The following CCDC88C variants were observed in gnomAD, a reference collection of about 807,000 sequenced individuals.
CCDC88C encodes protein Daple.
CCDC88C carries 131 observed loss-of-function variants against 198.8 expected under a neutral mutation model. The ratio of observed to expected loss-of-function variants is 0.66; its 90% CI spans 0.57 to 0.76. The LOEUF is 0.76. Among genes scored for constraint, CCDC88C ranks in the 30% least tolerant of loss-of-function variants. CCDC88C has a pLI of 0.00. For missense variants in CCDC88C, 2,553 were observed against 2,631.6 expected, an observed-to-expected ratio of 0.97 and a Z score of 0.65; for synonymous variants, 1,166 against 1,114.7, an observed-to-expected ratio of 1.05 and a Z score of -0.92.
chr14:91,362,102 C>T (rs1171618367), intron 3 of CCDC88C, among the ~76,000 whole-genome samples: 11 of 152,162 alleles, frequency 7.2e-5, no homozygotes, highest in Admixed American at 2.0e-4. Context: ...GGCCTGGTGA[C>T]GCATGCCTGT....
intron 3 of CCDC88C, among the ~76,000 whole-genome samples, chr14:91,398,751 G>C (rs573305294): frequency 6.6e-6 from 1 of 152,228 alleles, no homozygotes; most frequent in Non-Finnish European, 1.5e-5. Context: ...TGGGAGTGCA[G>C]GCCTTTTGTT....
chr14:91,325,268 A>G lies in CCDC88C; in HGVS notation c.1198-345T>C, dbSNP rs1033552195. ...TCTAGCGAAGCCCTAACAGGCCTCT[A>G]AAGCTGTTAACAGGCTAACAAATCA... On this transcript the variant is annotated intron_variant, in intron 11 of 29. Coordinates refer to ENST00000389857, the MANE Select transcript of CCDC88C (RefSeq NM_001080414.4). This position sits in a 1 kb window ranked among gnomAD's most constrained non-coding sequence, Gnocchi z 4.1. Among the ~76,000 whole-genome samples, 1 of 152,198 alleles carries G rather than the reference A, an allele frequency of 6.6e-6. No individual in the cohort carries two copies. Among genetic ancestry groups the G allele is most frequent in the African/African-American group, 2.4e-5 (1 of 41,442 alleles).
intron 26 of CCDC88C, among the ~76,000 whole-genome samples, 158 bp from the exon 27 acceptor site, chr14:91,281,683 C>A (rs1290892686): frequency 2.0e-5 from 3 of 152,126 alleles, no homozygotes; most frequent in Non-Finnish European, 4.4e-5. Context: ...CCTCTCCTAC[C>A]CCTCCACCGT....
chr14:91,353,124 A>G (rs561127535), intron 4 of CCDC88C, among the ~76,000 whole-genome samples: 4 of 152,298 alleles, frequency 2.6e-5, no homozygotes, highest in African/African-American at 9.6e-5. Flanking sequence ...GAGTTTCAGG[A>G]GGTCTGTTTC....
At chr14:91,402,671 G>A (rs1886275177) in intron 3 of CCDC88C, among the ~76,000 whole-genome samples, 1 of 152,188 alleles carries the variant, frequency 6.6e-6, no homozygotes, top group Non-Finnish European at 1.5e-5. Flanking sequence ...TGGCTGCTGG[G>A]AACGTCTATC....
intron 23 of CCDC88C, among the ~76,000 whole-genome samples, chr14:91,291,383 G>A (rs1184649196): frequency 2.6e-5 from 4 of 152,204 alleles, no homozygotes; most frequent in Non-Finnish European, 4.4e-5. Flanking sequence ...AAGACCCAAG[G>A]ATTCTCCTTC....
chr14:91,356,945 G>C (rs1160557305), intron 4 of CCDC88C, among the ~76,000 whole-genome samples: 1 of 152,216 alleles, frequency 6.6e-6, no homozygotes, highest in East Asian at 1.9e-4. Flanking sequence ...TAAAGGGAGG[G>C]GTGAGAAAAG....
rs538265590 is a variant in CCDC88C, at chr14:91,313,526, C to T, written c.2290G>A (p.Val764Met). ...SERLELSYQS[V>M]SAENLRLQQS... ...TGCAGCCGGAGGTTCTCAGCGCTCA[C>T]GCTCTGGTAGCTGAGCTCCAGGCGC... Residue 764 changes from valine to methionine, a missense_variant, in exon 15 of 30, where the codon GTG becomes ATG. This residue lies in a region of CCDC88C where 1,260 missense variants were observed against 1,412.0 expected (regional missense o/e 0.89). Transcript: ENST00000389857. The surrounding 1 kb of genome is among the most constrained non-coding windows in gnomAD (Gnocchi z 5.2). 3.2e-5 allele frequency: 51 copies of T among 1,609,504 alleles called. No individual in the cohort carries two copies. Among genetic ancestry groups the T allele is most frequent in the Non-Finnish European group, 3.2e-5 (38 of 1,179,880 alleles).
At chr14:91,411,227 C>T (rs1886771779) in intron 2 of CCDC88C, among the ~76,000 whole-genome samples, 4 of 152,144 alleles carry the variant, frequency 2.6e-5, no homozygotes, top group Admixed American at 2.0e-4. Context: ...CCAGCACCCC[C>T]GTAACTCCCA....
intron 16 of CCDC88C, among the ~76,000 whole-genome samples, chr14:91,309,362 G>A (rs1368423370): frequency 6.6e-6 from 1 of 152,156 alleles, no homozygotes; most frequent in Non-Finnish European, 1.5e-5. Context: ...CAGCATTTTG[G>A]GAGGCTGAGG....
chr14:91,317,608 G>A (rs1479152633), intron 13 of CCDC88C, among the ~76,000 whole-genome samples: 1 of 152,216 alleles, frequency 6.6e-6, no homozygotes, highest in Non-Finnish European at 1.5e-5. Context: ...GCAGGGTCGG[G>A]CCAGATTCCA....
intron 3 of CCDC88C, among the ~76,000 whole-genome samples, chr14:91,392,909 G>T (rs1327798269): frequency 6.6e-6 from 1 of 152,204 alleles, no homozygotes; most frequent in African/African-American, 2.4e-5. Context: ...AGGGCCAGGG[G>T]TGTGATGACG....
In CCDC88C at chr14:91,305,887, G is replaced by A; in HGVS notation, c.3235C>T (p.Gln1079Ter). 6.2e-7 allele frequency: 1 copy of A among 1,613,884 alleles called. No individual in the cohort carries two copies. Residue 1079 changes from glutamine to a stop codon, truncating the protein, a stop_gained, in exon 19 of 30, where the codon CAG becomes TAG. Transcript: ENST00000389857. LOFTEE classifies it high-confidence loss of function. ...TTCTGGGTCTCCAGGTGCTGCAGCTGTTCCTTTAGCAGCTGCTTCTCAGCC... is the reference window on the plus strand; with the variant it reads ...TTCTGGGTCTCCAGGTGCTGCAGCTATTCCTTTAGCAGCTGCTTCTCAGCC... ...LQAEKQLLKE[Q>*]LQHLETQNVT...
At chr14:91,326,960 T>C (rs12881259) in intron 10 of CCDC88C, among the ~76,000 whole-genome samples, 82,433 of 152,126 alleles carry the variant, frequency 0.54, 24,824 homozygotes, top group Non-Finnish European at 0.67. Context: ...GCTGGATCTA[T>C]TTTTGACACA....
chr14:91,386,182 G>A (rs1476392127), intron 3 of CCDC88C, among the ~76,000 whole-genome samples: 3 of 151,264 alleles, frequency 2.0e-5, no homozygotes, highest in Admixed American at 6.6e-5. Flanking sequence ...GGTGGCTCAC[G>A]CTTGTAATCC....
chr14:91,408,451 A>T, intron 3 of CCDC88C: 1 of 555,706 alleles, frequency 1.8e-6, no homozygotes, highest in East Asian at 3.2e-5. Context: ...ACACAGCTCA[A>T]AGAACATTCA....
At chr14:91,341,227 C>T (rs1360441976) in intron 6 of CCDC88C, among the ~76,000 whole-genome samples, 1 of 152,162 alleles carries the variant, frequency 6.6e-6, no homozygotes, top group African/African-American at 2.4e-5. Context: ...CGGTTCTAGG[C>T]CTGGTCCAGA....
chr14:91,405,461 G>A (rs981561812), intron 3 of CCDC88C, among the ~76,000 whole-genome samples: 9 of 152,172 alleles, frequency 5.9e-5, no homozygotes, highest in Admixed American at 2.6e-4. Flanking sequence ...CCCAAGAAGA[G>A]GCCGGGCGGC....
intron 21 of CCDC88C, among the ~76,000 whole-genome samples, chr14:91,298,315 A>T (rs1891108306): frequency 6.6e-6 from 1 of 151,990 alleles, no homozygotes; most frequent in Non-Finnish European, 1.5e-5. Context: ...CGGAGCTTGC[A>T]GTGAGCCGAG....
Sources: gnomAD v4.1 joint callset for allele counts (sites outside exome capture counted in the v4.1 genomes callset) on GRCh38, gnomAD v4.1.1 for gene constraint, gnomAD v4.1.1 regional missense constraint, Gnocchi (gnomAD v3.1) non-coding constraint, MANE v1.5 for transcripts, NCBI Gene and HGNC (gene_info 2026-07-23, HGNC 2026-07-21) for gene names.